MTA3: variants seen among roughly 807,000 people sequenced by gnomAD.
MTA3 encodes the protein metastasis-associated protein MTA3.
MTA3 carries 34 observed loss-of-function variants against 83.5 expected under a neutral mutation model. The ratio of observed to expected loss-of-function variants is 0.41; its 90% CI spans 0.31 to 0.54. The LOEUF is 0.54. Ranked by LOEUF, MTA3 falls within the 20% of genes least tolerant of loss-of-function variation. The pLI, the probability that MTA3 is intolerant of heterozygous loss-of-function variation, is 0.33. For synonymous variants in MTA3, 303 were observed against 252.7 expected (o/e 1.20, Z -1.89); for missense variants, 761 against 726.4 (o/e 1.05, Z -0.55).
rs113793167 is a variant in MTA3, at chr2:42,756,428, C to T, written c.*3029C>T. 1 of 983,178 alleles carries T rather than the reference C, an allele frequency of 1.0e-6. No homozygotes were observed. Among genetic ancestry groups the T allele is most frequent in the East Asian group, 1.1e-4 (1 of 8,806 alleles). 60.9% of individuals were successfully genotyped at this position (983,178 alleles called of 1,614,324 possible). ...GACAGGCGACCCACCGGGTCAGTCC[C>T]CTGCCACTCAGAGCAGAGCAGGGGG... On this transcript the variant is annotated 3_prime_UTR_variant, in exon 17 of 17. Coordinates refer to ENST00000405094, the MANE Select transcript of MTA3 (RefSeq NM_001330442.2).
intron 4 of MTA3, 24 bp downstream of exon 4, chr2:42,609,608 G>T: frequency 1.2e-6 from 2 of 1,611,248 alleles, no homozygotes; most frequent in Non-Finnish European, 1.7e-6. Flanking sequence ...AGGAACTAAG[G>T]TACTCAGTAC....
chr2:42,548,950 A>G (rs1164508063), intron 2 of MTA3, among the ~76,000 whole-genome samples: 1 of 126,440 alleles, frequency 7.9e-6, no homozygotes, highest in Non-Finnish European at 1.6e-5. Context: ...TGAGGCAGGC[A>G]GATCACCTGA....
chr2:42,657,763 TAAAAAA>T (rs60686385), intron 7 of MTA3, among the ~76,000 whole-genome samples: 3 of 127,502 alleles, frequency 2.4e-5, no homozygotes, highest in Admixed American at 8.0e-5. Context: ...CCTCATCTCT[TAAAAAA>T]AAAAAAAAAA....
chr2:42,509,577 A>ATAC (rs745782892), intron 2 of MTA3, among the ~76,000 whole-genome samples: 10 of 151,956 alleles, frequency 6.6e-5, no homozygotes, highest in Non-Finnish European at 1.5e-4. Flanking sequence ...TGAGACCAGT[A>ATAC]TGGGCAACAT....
At chr2:42,654,594 G>A (rs1688996919) in intron 6 of MTA3, among the ~76,000 whole-genome samples, 1 of 152,082 alleles carries the variant, frequency 6.6e-6, no homozygotes, top group Admixed American at 6.6e-5. Context: ...CAGCATTATT[G>A]TCAGTCTTCT....
At chr2:42,750,900 A>T (rs929697145) in intron 16 of MTA3, among the ~76,000 whole-genome samples, 6 of 152,280 alleles carry the variant, frequency 3.9e-5, no homozygotes, top group African/African-American at 1.4e-4. Flanking sequence ...AAGAGCCTTT[A>T]ACTCCTCTTC....
At chr2:42,549,159 G>A (rs1398517423) in intron 2 of MTA3, among the ~76,000 whole-genome samples, 3 of 137,166 alleles carry the variant, frequency 2.2e-5, no homozygotes, top group East Asian at 4.1e-4. Flanking sequence ...GGCAACAAGA[G>A]CAAAACTCCA....
chr2:42,719,354 C>T (rs1405733927), intron 15 of MTA3, among the ~76,000 whole-genome samples: 1 of 151,836 alleles, frequency 6.6e-6, no homozygotes, highest in African/African-American at 2.4e-5. Context: ...ACAGATTAAG[C>T]AAAAAAGAAA....
At chr2:42,539,836 G>A (rs928750423) in intron 2 of MTA3, among the ~76,000 whole-genome samples, 3 of 152,060 alleles carry the variant, frequency 2.0e-5, no homozygotes, top group Admixed American at 2.0e-4. Flanking sequence ...ACCTCACAAG[G>A]TGCTAGGGTT....
At chr2:42,714,292 T>C (rs915747649) in intron 14 of MTA3, among the ~76,000 whole-genome samples, 16 of 152,224 alleles carry the variant, frequency 1.1e-4, no homozygotes, top group Admixed American at 1.0e-3. Context: ...TAATCTGTGA[T>C]ATGTGATACA....
At chr2:42,687,782 C>T (rs563159295) in intron 9 of MTA3, among the ~76,000 whole-genome samples, 1 of 152,230 alleles carries the variant, frequency 6.6e-6, no homozygotes, top group Admixed American at 6.5e-5. Context: ...TTTTGTAGCT[C>T]ATATGTGTTC....
At chr2:42,639,411 A>T (rs1178301558) in intron 4 of MTA3, among the ~76,000 whole-genome samples, 11 of 152,196 alleles carry the variant, frequency 7.2e-5, no homozygotes, top group Non-Finnish European at 1.5e-4. Flanking sequence ...GATTTCTATT[A>T]GTTATACGGA....
At chr2:42,630,655 A>G (rs530170584) in intron 4 of MTA3, among the ~76,000 whole-genome samples, 11 of 152,012 alleles carry the variant, frequency 7.2e-5, no homozygotes, top group Non-Finnish European at 1.2e-4. Flanking sequence ...TAACTAATGG[A>G]TTTTTGGTTT....
chr2:42,646,408 T>G (rs527467895), intron 6 of MTA3, among the ~76,000 whole-genome samples: 1 of 152,242 alleles, frequency 6.6e-6, no homozygotes, highest in Non-Finnish European at 1.5e-5. Flanking sequence ...ATTCCTCTGA[T>G]GGATCTGAGT....
rs114736344 is a variant in MTA3, at chr2:42,547,863, G to A, written c.-140-22574G>A. 2.8e-3 allele frequency among the ~76,000 whole-genome samples: 419 copies of A among 152,090 alleles called. 1 individual carries two copies. The highest frequency in any genetic ancestry group is 0.01 in the Middle Eastern group (3 of 294). On this transcript the variant is annotated intron_variant, in intron 2 of 17. Transcript: ENST00000405592. ...ATAAGATAAACTGCCCTGTGGTCCT[G>A]ACTTAGCTATTGTTACAGGTGCATA... is the stretch of plus-strand genomic sequence containing the variant.
chr2:42,528,404 G>T (rs1055657516), intron 2 of MTA3, among the ~76,000 whole-genome samples: 1 of 151,576 alleles, frequency 6.6e-6, no homozygotes, highest in Non-Finnish European at 1.5e-5. Context: ...ATTTTTAGTA[G>T]AGATGGAGTT....
In MTA3 at chr2:42,568,887, TGGGCTGGGGCGCCGGGGCCCGCAGAG is replaced by T. The variant is rs1469472316; in HGVS notation, c.28+119_28+144del. On this transcript the variant is annotated intron_variant, in intron 1 of 16. Coordinates refer to ENST00000405094, the MANE Select transcript of MTA3 (RefSeq NM_001330442.2). ...AAGGGCGCCGGGGCTGAGGTCGCAG[TGGGCTGGGGCGCCGGGGCCCGCAGAG>T]GGGCCGGGACTCCCCACCCCCACCC... 9.7e-5 allele frequency: 102 copies of T among 1,046,864 alleles called. No homozygotes were observed. The East Asian group carries it at 3.3e-3, about 34-fold the overall frequency. 64.8% of individuals were successfully genotyped at this position (1,046,864 alleles called of 1,614,324 possible).
intron 14 of MTA3, among the ~76,000 whole-genome samples, chr2:42,716,812 T>C (rs1573739695): frequency 6.6e-6 from 1 of 152,212 alleles, no homozygotes; most frequent in African/African-American, 2.4e-5. Context: ...TGTGTCTTTA[T>C]GATAGAATGA....
intron 6 of MTA3, 69 bp downstream of exon 6, chr2:42,644,313 C>A: frequency 1.0e-6 from 1 of 993,088 alleles, no homozygotes; most frequent in Non-Finnish European, 1.5e-6. Flanking sequence ...TACATGTCCT[C>A]ATGTAGAAGA....
Sources: allele counts gnomAD v4.1 joint callset (sites outside exome capture counted in the v4.1 genomes callset), GRCh38; gene constraint gnomAD v4.1.1; transcripts MANE v1.5; gene names NCBI Gene and HGNC (gene_info 2026-07-23, HGNC 2026-07-21).